Variants in WDR27 observed in about 807,000 individuals in gnomAD.
The protein encoded by WDR27 is WD repeat-containing protein 27.
WDR27 carries 100 observed loss-of-function variants against 114.4 expected under a neutral mutation model. The ratio of observed to expected loss-of-function variants is 0.87; its 90% CI spans 0.74 to 1.03. The LOEUF (loss-of-function observed/expected upper bound fraction) is 1.03, where lower values mean the gene tolerates loss of function less well. Among genes scored for constraint, WDR27 ranks in the 50% least tolerant of loss-of-function variants. The probability of loss-of-function intolerance (pLI) is 0.00; values close to 1 mark genes in which losing one functional copy is unlikely to be tolerated. For missense variants in WDR27, 1,129 were observed against 1,092.9 expected, an observed-to-expected ratio of 1.03 and a Z score of -0.47; for synonymous variants, 449 against 423.1, an observed-to-expected ratio of 1.06 and a Z score of -0.75.
intron 21 of WDR27, among the ~76,000 whole-genome samples, chr6:169,619,443 C>T (rs563453401): frequency 1.3e-5 from 2 of 152,308 alleles, no homozygotes; most frequent in Admixed American, 6.5e-5. Context: ...TGAGTGACCA[C>T]GGCCCGTGAC....
At chr6:169,681,592 A>C (rs1781533436) in intron 2 of WDR27, among the ~76,000 whole-genome samples, 1 of 152,244 alleles carries the variant, frequency 6.6e-6, no homozygotes. Context: ...AGGGTCTGGC[A>C]GGAATCACAC....
intron 2 of WDR27, among the ~76,000 whole-genome samples, chr6:169,677,195 CTG>C (rs1780284032): frequency 6.6e-6 from 1 of 152,204 alleles, no homozygotes; most frequent in Non-Finnish European, 1.5e-5. Context: ...AGTTAAATGA[CTG>C]TGACCAAAAC....
At chr6:169,633,258 G>A (rs1176119269) in intron 20 of WDR27, among the ~76,000 whole-genome samples, 190 bp from the exon 21 acceptor site, 6 of 152,248 alleles carry the variant, frequency 3.9e-5, no homozygotes, top group African/African-American at 1.4e-4. Flanking sequence ...GACTCCAGGT[G>A]TTGGCAAGAG....
At chr6:169,516,666 T>C (rs901598958) in intron 25 of WDR27, among the ~76,000 whole-genome samples, 1 of 152,044 alleles carries the variant, frequency 6.6e-6, no homozygotes, top group Admixed American at 6.6e-5. Flanking sequence ...TAGAAGGTCA[T>C]GTGTGTCCCC....
At chr6:169,555,763 A>T (rs779105228) in intron 25 of WDR27, among the ~76,000 whole-genome samples, 20 of 152,206 alleles carry the variant, frequency 1.3e-4, no homozygotes, top group Admixed American at 3.9e-4. Flanking sequence ...GGAAGAATAA[A>T]CCAAATTCAC....
intron 2 of WDR27, among the ~76,000 whole-genome samples, chr6:169,672,964 T>TA (rs1779137639): frequency 6.6e-6 from 1 of 152,144 alleles, no homozygotes; most frequent in African/African-American, 2.4e-5. Flanking sequence ...AAAACATTGC[T>TA]ACAAGTATGG....
intron 21 of WDR27, among the ~76,000 whole-genome samples, chr6:169,627,561 A>G (rs936831551): frequency 6.6e-6 from 1 of 152,192 alleles, no homozygotes; most frequent in Non-Finnish European, 1.5e-5. Flanking sequence ...GCCATTCACC[A>G]TGCCTGCTGT....
intron 13 of WDR27, among the ~76,000 whole-genome samples, chr6:169,654,184 G>GTA (rs1277658055): frequency 6.6e-6 from 1 of 152,124 alleles, no homozygotes; most frequent in African/African-American, 2.4e-5. Flanking sequence ...AACAAAAAGA[G>GTA]TATACATCAT....
At chr6:169,549,155 G>A (rs183430991) in intron 25 of WDR27, among the ~76,000 whole-genome samples, 93 of 152,222 alleles carry the variant, frequency 6.1e-4, no homozygotes, top group African/African-American at 2.2e-3. Context: ...AGACAAATCC[G>A]ATAAAGAACT....
chr6:169,545,293 A>T (rs1346311295), intron 25 of WDR27, among the ~76,000 whole-genome samples: 1 of 152,252 alleles, frequency 6.6e-6, no homozygotes, highest in Non-Finnish European at 1.5e-5. Flanking sequence ...AAAACAAATT[A>T]TAAAACTTTT....
the WDR27 span, among the ~76,000 whole-genome samples, chr6:169,434,439 A>G: frequency 3.3e-5 from 5 of 152,230 alleles, no homozygotes; most frequent in East Asian, 3.9e-4. Flanking sequence ...ATTGGTCTAT[A>G]TATCTGTTTT....
At chr6:169,538,880 TACAC>T (rs975766872) in intron 25 of WDR27, among the ~76,000 whole-genome samples, 1 of 152,180 alleles carries the variant, frequency 6.6e-6, no homozygotes, top group Non-Finnish European at 1.5e-5. Flanking sequence ...TCCCATGAAA[TACAC>T]ACATTACAGA....
intron 22 of WDR27, among the ~76,000 whole-genome samples, chr6:169,608,180 G>A (rs1367963440): frequency 6.6e-6 from 1 of 152,160 alleles, no homozygotes; most frequent in Non-Finnish European, 1.5e-5. Context: ...ATTTCTTACA[G>A]CACTAAAAGC....
intron 25 of WDR27, among the ~76,000 whole-genome samples, chr6:169,562,156 T>A (rs1305437986): frequency 6.6e-6 from 1 of 151,940 alleles, no homozygotes; most frequent in Non-Finnish European, 1.5e-5. Flanking sequence ...ACATACCACA[T>A]AAGGACGCGG....
chr6:169,579,303 T>C (rs912317164), intron 24 of WDR27, among the ~76,000 whole-genome samples: 3 of 152,336 alleles, frequency 2.0e-5, no homozygotes, highest in African/African-American at 7.2e-5. Flanking sequence ...AACAGCCCAC[T>C]TCAAAGTAGC....
the WDR27 span, among the ~76,000 whole-genome samples, chr6:169,438,704 T>C: frequency 1.3e-5 from 2 of 152,204 alleles, no homozygotes; most frequent in South Asian, 4.1e-4. Flanking sequence ...TTCTAGGTTA[T>C]CCAAATGGGC....
intron 2 of WDR27, among the ~76,000 whole-genome samples, chr6:169,681,204 A>G (rs1180862111): frequency 2.6e-5 from 4 of 152,244 alleles, no homozygotes; most frequent in Admixed American, 2.6e-4. Flanking sequence ...AATAATAAAG[A>G]AGAATGAACT....
At chr6:169,428,608 A>AGGGGGGGGTGGGGGGGGGGGGGGGGG in the WDR27 span, among the ~76,000 whole-genome samples, 1 of 114,470 alleles carries the variant, frequency 8.7e-6, no homozygotes. Context: ...GGCGGGGGGG[A>AGGGGGGGGTGGGGGGGGGGGGGGGGG]GGGGGGGGTT....
chr6:169,591,206 T>C (rs1434059762), intron 23 of WDR27, among the ~76,000 whole-genome samples: 1 of 152,198 alleles, frequency 6.6e-6, no homozygotes, highest in Non-Finnish European at 1.5e-5. Flanking sequence ...TGCATTTCCC[T>C]GATGATTGGT....
Sources: gnomAD v4.1 joint callset for allele counts (sites outside exome capture counted in the v4.1 genomes callset) on GRCh38, gnomAD v4.1.1 for gene constraint, MANE v1.5 for transcripts, NCBI Gene and HGNC (gene_info 2026-07-23, HGNC 2026-07-21) for gene names.